NEGR1: variants seen among roughly 807,000 people sequenced by gnomAD.
NEGR1 encodes neuronal growth regulator 1.
In NEGR1, 10 loss-of-function variants were observed where a neutral mutation model predicts 40.9. That is an observed-to-expected ratio of 0.24 (90% CI 0.15 to 0.42). NEGR1 has a LOEUF of 0.42. NEGR1 is among the 10% of genes least tolerant of loss of function. NEGR1 has a pLI of 1.00. For synonymous variants in NEGR1, 185 were observed against 166.8 expected (o/e 1.11, Z -0.84); for missense variants, 352 against 438.9 (o/e 0.80, Z 1.77).
chr1:71,841,504 C>T (rs923650909), intron 2 of NEGR1, among the ~76,000 whole-genome samples: 1 of 152,070 alleles, frequency 6.6e-6, no homozygotes, highest in Non-Finnish European at 1.5e-5. Flanking sequence ...ATTGTCTAAT[C>T]GCATCCTGCC....
At chr1:71,534,279 C>T (rs867712290) in intron 6 of NEGR1, among the ~76,000 whole-genome samples, 1 of 151,620 alleles carries the variant, frequency 6.6e-6, no homozygotes, top group African/African-American at 2.4e-5. Flanking sequence ...CCTTTTTAGT[C>T]GAACTATTGG....
chr1:72,199,494 C>T (rs934490990), intron 1 of NEGR1, among the ~76,000 whole-genome samples: 12 of 152,020 alleles, frequency 7.9e-5, no homozygotes, highest in Middle Eastern at 3.4e-3. Context: ...ACTTCAAATT[C>T]GCAGGTTTCC....
chr1:71,548,789 C>G (rs1647983416), intron 6 of NEGR1, among the ~76,000 whole-genome samples: 1 of 151,604 alleles, frequency 6.6e-6, no homozygotes, highest in African/African-American at 2.4e-5. Context: ...AAAAGCAGCT[C>G]CCTTGATTTT....
chr1:72,030,059 C>G (rs1055012105), intron 1 of NEGR1, among the ~76,000 whole-genome samples: 1 of 150,962 alleles, frequency 6.6e-6, no homozygotes, highest in Non-Finnish European at 1.5e-5. Context: ...GCTTTGCAAA[C>G]AGGTAGTAAA....
intron 1 of NEGR1, among the ~76,000 whole-genome samples, chr1:72,171,279 A>C (rs1277902765): frequency 1.3e-5 from 2 of 152,216 alleles, no homozygotes; most frequent in Non-Finnish European, 2.9e-5. Context: ...ATCAATCTCA[A>C]TATAAAGATA....
At chr1:71,787,336 A>C (rs533346966) in intron 2 of NEGR1, among the ~76,000 whole-genome samples, 15 of 152,344 alleles carry the variant, frequency 9.8e-5, no homozygotes, top group African/African-American at 3.6e-4. Flanking sequence ...AAAACTTCCC[A>C]TGATGGCCAA....
intron 3 of NEGR1, chr1:71,738,226 G>T (rs1335109559): frequency 9.8e-6 from 2 of 203,914 alleles, no homozygotes; most frequent in African/African-American, 2.4e-5. Flanking sequence ...GAACGAAGTG[G>T]AATCCGCTCT....
intron 3 of NEGR1, among the ~76,000 whole-genome samples, chr1:71,723,366 G>A (rs1033048219): frequency 6.6e-5 from 10 of 152,048 alleles, no homozygotes; most frequent in Non-Finnish European, 1.5e-4. Context: ...CAGGTTGGGG[G>A]CTGCTCAGCT....
At chr1:71,790,362 G>C (rs1304396821) in intron 2 of NEGR1, among the ~76,000 whole-genome samples, 1 of 152,056 alleles carries the variant, frequency 6.6e-6, no homozygotes, top group South Asian at 2.1e-4. Context: ...CACATTTAAT[G>C]ATAAAACTAT....
At chr1:72,069,279 A>G (rs1318780461) in intron 1 of NEGR1, among the ~76,000 whole-genome samples, 4 of 151,640 alleles carry the variant, frequency 2.6e-5, no homozygotes, top group Non-Finnish European at 4.4e-5. Context: ...AAACAAACAA[A>G]CAAATAAAAA....
intron 1 of NEGR1, among the ~76,000 whole-genome samples, chr1:72,264,189 G>A (rs1260971798): frequency 6.6e-6 from 1 of 151,286 alleles, no homozygotes; most frequent in Non-Finnish European, 1.5e-5. Flanking sequence ...ATCAGATTGA[G>A]TTCCAATCCA....
At chr1:71,585,448 ACT>A (rs1208090515) in intron 6 of NEGR1, among the ~76,000 whole-genome samples, 2 of 151,986 alleles carry the variant, frequency 1.3e-5, no homozygotes, top group Non-Finnish European at 2.9e-5. Flanking sequence ...TAAATTGGAA[ACT>A]CTAATTTATT....
intron 1 of NEGR1, among the ~76,000 whole-genome samples, chr1:72,010,838 C>G (rs190882980): frequency 6.6e-6 from 1 of 152,052 alleles, no homozygotes; most frequent in Admixed American, 6.6e-5. Context: ...CGTCATCATT[C>G]CCATAGTTAG....
chr1:72,040,774 A>T (rs983577960), intron 1 of NEGR1, among the ~76,000 whole-genome samples: 1 of 151,908 alleles, frequency 6.6e-6, no homozygotes, highest in African/African-American at 2.4e-5. Flanking sequence ...ACATAAAAGA[A>T]AACAACAATT....
At chr1:71,423,359 A>G (rs994120190) in intron 6 of NEGR1, among the ~76,000 whole-genome samples, 1 of 152,162 alleles carries the variant, frequency 6.6e-6, no homozygotes, top group African/African-American at 2.4e-5. Flanking sequence ...TGCACCTTGC[A>G]CTCCAGCCTG....
intron 1 of NEGR1, among the ~76,000 whole-genome samples, chr1:72,106,868 A>T (rs1047128144): frequency 5.9e-5 from 9 of 151,994 alleles, no homozygotes; most frequent in Non-Finnish European, 1.2e-4. Flanking sequence ...TTAAATATAG[A>T]TATAGATACA....
At chr1:71,455,794 T>G (rs1646668752) in intron 6 of NEGR1, among the ~76,000 whole-genome samples, 1 of 152,208 alleles carries the variant, frequency 6.6e-6, no homozygotes, top group Admixed American at 6.5e-5. Context: ...GTCTCCAAGT[T>G]AAAATTCTTA....
chr1:71,799,159 A>G (rs1349894030), intron 2 of NEGR1, among the ~76,000 whole-genome samples: 2 of 151,904 alleles, frequency 1.3e-5, no homozygotes, highest in African/African-American at 2.4e-5. Flanking sequence ...CCCGTCATCT[A>G]CATTAGGTAG....
In NEGR1 at chr1:71,496,592, CTT is replaced by C. The variant is rs34228522; in HGVS notation, c.941-89024_941-89023del. ...GGCTAGGATTATGACAGATTACATTCTTTTTTTTTTTATCCCTAGATAATGCT... is the reference window on the plus strand; with the variant it reads ...GGCTAGGATTATGACAGATTACATTCTTTTTTTTTATCCCTAGATAATGCT... On this transcript the variant is annotated intron_variant, in intron 6 of 6. Transcript: ENST00000357731. 1.2e-3 allele frequency among the ~76,000 whole-genome samples: 188 copies of C among 150,690 alleles called. 1 individual carries two copies. Among genetic ancestry groups the C allele is most frequent in the African/African-American group, 4.0e-3 (166 of 41,084 alleles).
Sources: allele counts gnomAD v4.1 joint callset (sites outside exome capture counted in the v4.1 genomes callset), GRCh38; gene constraint gnomAD v4.1.1; transcripts MANE v1.5; gene names NCBI Gene and HGNC (gene_info 2026-07-23, HGNC 2026-07-21).